Variants in PPM1L observed in about 807,000 individuals in gnomAD.
PPM1L encodes the protein protein phosphatase 1L.
Under a neutral mutation model 31.4 loss-of-function variants are expected in PPM1L, and 13 were observed. That is an observed-to-expected ratio of 0.41 (90% CI 0.27 to 0.66). The LOEUF (loss-of-function observed/expected upper bound fraction) is 0.66. PPM1L is among the 30% of genes least tolerant of loss of function. The pLI is 0.29. For synonymous variants in PPM1L, 184 were observed against 175.4 expected (o/e 1.05, Z -0.39); for missense variants, 326 against 453.7 (o/e 0.72, Z 2.56).
chr3:161,074,433 A>G lies in PPM1L; in HGVS notation c.*5276A>G, dbSNP rs570878055. The G allele has an allele frequency of 1.1e-4, 16 of 152,362 alleles. No individual in the cohort carries two copies. Among genetic ancestry groups the G allele is most frequent in the African/African-American group, 3.4e-4 (14 of 41,582 alleles). 9.4% of individuals were successfully genotyped at this position (152,362 alleles called of 1,614,324 possible). A position where few individuals can be genotyped will look rare whatever the true frequency, so the allele number is the denominator to read the frequency against. On this transcript the variant is annotated 3_prime_UTR_variant, in exon 4 of 4. Coordinates refer to ENST00000498165, the MANE Select transcript of PPM1L (RefSeq NM_139245.4). The stretch of plus-strand genomic sequence containing the variant: ...AACATGGTACAGAGTGAATTAAGGC[A>G]AAAGTCATTAACTTAAAATTACATC...
chr3:160,784,083 G>A (rs1052163092), intron 1 of PPM1L, among the ~76,000 whole-genome samples: 5 of 152,048 alleles, frequency 3.3e-5, no homozygotes, highest in African/African-American at 9.7e-5. Context: ...AAAGTGCAAC[G>A]ATGTTTTCAT....
chr3:160,814,745 G>A (rs1251545702), intron 1 of PPM1L, among the ~76,000 whole-genome samples: 1 of 148,654 alleles, frequency 6.7e-6, no homozygotes, highest in African/African-American at 2.5e-5. Context: ...GTATATATGT[G>A]TATATATATA....
intron 2 of PPM1L, among the ~76,000 whole-genome samples, chr3:161,002,033 T>G (rs911605202): frequency 1.5e-5 from 2 of 131,674 alleles, no homozygotes; most frequent in Non-Finnish European, 3.1e-5. Flanking sequence ...TTCCCCTTCC[T>G]ATGTCCATGT....
chr3:160,875,250 G>A (rs574362143), intron 1 of PPM1L, among the ~76,000 whole-genome samples: 32 of 152,206 alleles, frequency 2.1e-4, no homozygotes, highest in Admixed American at 3.3e-4. Context: ...TCACATTTTT[G>A]CATCTTACAG....
intron 1 of PPM1L, among the ~76,000 whole-genome samples, chr3:160,807,296 C>T (rs1712634422): frequency 6.6e-6 from 1 of 152,212 alleles, no homozygotes; most frequent in Non-Finnish European, 1.5e-5. Flanking sequence ...CATAACAATT[C>T]TGCAAGCTAT....
intron 2 of PPM1L, among the ~76,000 whole-genome samples, chr3:161,014,713 G>A (rs925748872): frequency 1.3e-5 from 2 of 152,082 alleles, no homozygotes; most frequent in South Asian, 2.1e-4. Flanking sequence ...CTCATGATCC[G>A]CCTGTCTGGA....
chr3:160,972,809 C>A (rs1168606723), intron 2 of PPM1L, among the ~76,000 whole-genome samples: 2 of 152,034 alleles, frequency 1.3e-5, no homozygotes, highest in Non-Finnish European at 2.9e-5. Flanking sequence ...AGTTTACAGT[C>A]CCACCAACAG....
intron 1 of PPM1L, among the ~76,000 whole-genome samples, chr3:160,931,529 A>G (rs963390564): frequency 1.3e-5 from 2 of 152,254 alleles, no homozygotes; most frequent in African/African-American, 2.4e-5. Context: ...ACACATTGTC[A>G]TGCCCAATTA....
intron 1 of PPM1L, among the ~76,000 whole-genome samples, chr3:160,774,771 T>C (rs939941928): frequency 2.1e-4 from 32 of 152,208 alleles, no homozygotes; most frequent in Non-Finnish European, 1.3e-4. Flanking sequence ...TTCCATAAAA[T>C]GTTGCTTGGT....
intron 1 of PPM1L, among the ~76,000 whole-genome samples, chr3:160,927,645 C>T (rs931139429): frequency 1.9e-4 from 29 of 151,816 alleles, no homozygotes; most frequent in Non-Finnish European, 3.8e-4. Context: ...TGTGCGTGCG[C>T]GCGCATGCAC....
chr3:160,850,334 G>T (rs916673898), intron 1 of PPM1L, among the ~76,000 whole-genome samples: 3 of 152,152 alleles, frequency 2.0e-5, no homozygotes, highest in African/African-American at 7.2e-5. Context: ...TACACTGATG[G>T]GTGCTAAAAG....
intron 2 of PPM1L, among the ~76,000 whole-genome samples, chr3:161,001,988 TC>T (rs1352186774): frequency 2.6e-5 from 2 of 76,164 alleles, no homozygotes. Context: ...CCCTCCCCCC[TC>T]CCCCAACCCC....
At chr3:161,031,673 A>T (rs559967665) in intron 2 of PPM1L, among the ~76,000 whole-genome samples, 62 of 151,630 alleles carry the variant, frequency 4.1e-4, no homozygotes, top group African/African-American at 1.4e-3. Context: ...ATAATTTTTT[A>T]AAATTTATAT....
At chr3:160,862,477 G>A (rs759258027) in intron 1 of PPM1L, among the ~76,000 whole-genome samples, 76 of 152,168 alleles carry the variant, frequency 5.0e-4, no homozygotes, top group African/African-American at 1.0e-3. Flanking sequence ...GAGGTGCTGC[G>A]GGGATGTGGA....
intron 1 of PPM1L, among the ~76,000 whole-genome samples, chr3:160,804,104 T>C (rs1469485265): frequency 6.6e-6 from 1 of 151,684 alleles, no homozygotes; most frequent in African/African-American, 2.4e-5. Context: ...TTTTTTTTTT[T>C]TCTATTTTTA....
chr3:161,013,838 G>A (rs185164218), intron 2 of PPM1L, among the ~76,000 whole-genome samples: 1 of 152,186 alleles, frequency 6.6e-6, no homozygotes, highest in East Asian at 1.9e-4. Flanking sequence ...CAGAGACTAG[G>A]ATGCAACCCC....
At chr3:160,803,067 C>T (rs1712482887) in intron 1 of PPM1L, among the ~76,000 whole-genome samples, 1 of 152,164 alleles carries the variant, frequency 6.6e-6, no homozygotes, top group African/African-American at 2.4e-5. Flanking sequence ...GGTCTGGCTG[C>T]AGCATTAAGG....
Position 161,054,596 on chromosome 3 carries a change from A to G in PPM1L, c.575-10807A>G, listed in dbSNP as rs573146291. 2.6e-5 allele frequency among the ~76,000 whole-genome samples: 4 copies of G among 152,258 alleles called. No individual in the cohort carries two copies. In the East Asian group the frequency reaches 7.7e-4, roughly 29 times the overall value. On this transcript the variant is annotated intron_variant, in intron 2 of 3. Coordinates refer to ENST00000498165, the MANE Select transcript of PPM1L (RefSeq NM_139245.4). ...GTTTGCACACAAAAAATTAAACACA[A>G]GGTAGCAATGGCCTGCCCTGATGTT...
chr3:160,814,558 CAT>C (rs1360923041), intron 1 of PPM1L, among the ~76,000 whole-genome samples: 16 of 100,938 alleles, frequency 1.6e-4, no homozygotes, highest in Admixed American at 3.9e-4. Flanking sequence ...TACACACACA[CAT>C]ATGTATGTAT....
Sources: gnomAD v4.1 joint callset for allele counts (sites outside exome capture counted in the v4.1 genomes callset) on GRCh38, gnomAD v4.1.1 for gene constraint, MANE v1.5 for transcripts, NCBI Gene and HGNC (gene_info 2026-07-23, HGNC 2026-07-21) for gene names.